The following POLR3B variants were observed in gnomAD, a reference collection of about 807,000 sequenced individuals.
POLR3B encodes the protein RNA polymerase III subunit B, also known as DNA-directed RNA polymerase III subunit RPC2.
Under a neutral mutation model 147.4 loss-of-function variants are expected in POLR3B, and 96 were observed. The ratio of observed to expected loss-of-function variants is 0.65; its 90% CI spans 0.55 to 0.77. POLR3B has a LOEUF of 0.77. POLR3B is among the 30% of genes least tolerant of loss of function. The probability of loss-of-function intolerance (pLI) is 0.00; values close to 1 mark genes in which losing one functional copy is unlikely to be tolerated. For missense variants in POLR3B, 1,036 were observed against 1,413.5 expected (o/e 0.73, Z 4.28); for synonymous variants, 461 against 485.9 (o/e 0.95, Z 0.67).
At chr12:106,470,294 G>C (rs1660054805) in intron 23 of POLR3B, among the ~76,000 whole-genome samples, 1 of 151,994 alleles carries the variant, frequency 6.6e-6, no homozygotes, top group Non-Finnish European at 1.5e-5. Context: ...GTGGTTTTCA[G>C]TTACATCAGG....
At chr12:106,446,658 T>C (rs960166454) in intron 19 of POLR3B, among the ~76,000 whole-genome samples, 1 of 152,170 alleles carries the variant, frequency 6.6e-6, no homozygotes, top group African/African-American at 2.4e-5. Context: ...GCTCTGACCC[T>C]GGGTCCTGCA....
chr12:106,393,004 T>C (rs2036930814), intron 9 of POLR3B, 27 bp from the exon 10 acceptor site: 1 of 1,613,870 alleles, frequency 6.2e-7, no homozygotes, highest in Non-Finnish European at 8.5e-7. Context: ...AAGCCAACAC[T>C]CTTTCTATCT....
chr12:106,357,812 G>A lies in POLR3B; in HGVS notation c.-68G>A, dbSNP rs2036405712. ...CCGCGCACCGTTCGCCGGGAGTCTTGCAGTTTGCTTGGTGCAGGGAAGGCG... is the reference window on the plus strand; with the variant it reads ...CCGCGCACCGTTCGCCGGGAGTCTTACAGTTTGCTTGGTGCAGGGAAGGCG... On this transcript the variant is annotated 5_prime_UTR_variant, in exon 1 of 28. Transcript: ENST00000228347. 1.1e-5 allele frequency: 16 copies of A among 1,476,148 alleles called. No individual in the cohort carries two copies. The highest frequency in any genetic ancestry group is 1.3e-5 in the Non-Finnish European group (14 of 1,068,592). The allele number at this position is 1,476,148 out of a possible 1,614,324, so 91.4% of individuals were successfully genotyped here. A position where few individuals can be genotyped will look rare whatever the true frequency, so the allele number is the denominator to read the frequency against.
At chr12:106,434,073 G>A (rs1339300219) in intron 16 of POLR3B, among the ~76,000 whole-genome samples, 1 of 152,184 alleles carries the variant, frequency 6.6e-6, no homozygotes, top group Non-Finnish European at 1.5e-5. Flanking sequence ...TCTGCCCTCA[G>A]AGAGCTCAGT....
rs745858125 is a variant in POLR3B, at chr12:106,432,489, A to G, written c.1627+9A>G. 1.2e-6 allele frequency: 2 copies of G among 1,606,086 alleles called. No homozygotes were observed. The highest frequency in any genetic ancestry group is 4.5e-5 in the East Asian group (2 of 44,794). Reference sequence around the variant, plus strand: ...TCTTGTCTTTCTTAATGGTGGGTATATTATAGAGACATGTTGGTCCTAGAT... The same window carrying G: ...TCTTGTCTTTCTTAATGGTGGGTATGTTATAGAGACATGTTGGTCCTAGAT... On this transcript the variant is annotated intron_variant, in intron 15 of 27. Coordinates refer to ENST00000228347, the MANE Select transcript of POLR3B (RefSeq NM_018082.6).
At chr12:106,496,955 T>C (rs943315108) in intron 25 of POLR3B, 37 bp downstream of exon 25, 1 of 1,595,824 alleles carries the variant, frequency 6.3e-7, no homozygotes. Context: ...AGAAAAAGAA[T>C]GGTTTTACTA....
rs2036413135 is a variant in POLR3B at position 106,358,063 on chromosome 12, C to G, written c.72+112C>G. ...GGGCTGGCGGTTTGTGCGCATGCGC[C>G]GGGCTTCTGCGCATGCCCAGAGCGT... On this transcript the variant is annotated intron_variant, in intron 1 of 27. Coordinates refer to ENST00000228347, the MANE Select transcript of POLR3B (RefSeq NM_018082.6). The G allele has an allele frequency of 9.0e-6, 14 of 1,547,742 alleles. No individual in the cohort carries two copies. In the South Asian group the frequency reaches 1.6e-4, roughly 18 times the overall value.
intron 10 of POLR3B, among the ~76,000 whole-genome samples, chr12:106,400,650 T>G (rs1198614321): frequency 6.6e-6 from 1 of 152,124 alleles, no homozygotes; most frequent in African/African-American, 2.4e-5. Flanking sequence ...GGAATCAAAC[T>G]AGAACTCAGG....
At chr12:106,509,306 A>G in intron 27 of POLR3B, 114 bp from the exon 28 acceptor site, 1 of 1,107,056 alleles carries the variant, frequency 9.0e-7, no homozygotes, top group Non-Finnish European at 1.4e-6. Flanking sequence ...TAGGAATAGA[A>G]AGATAATTTG....
At chr12:106,388,631 T>C (rs750709004) in intron 9 of POLR3B, among the ~76,000 whole-genome samples, 1 of 152,158 alleles carries the variant, frequency 6.6e-6, no homozygotes, top group East Asian at 1.9e-4. Context: ...TTATCTTCTT[T>C]AAAGAGAAAC....
intron 26 of POLR3B, among the ~76,000 whole-genome samples, chr12:106,503,257 A>G (rs1254355312): frequency 6.6e-6 from 1 of 152,228 alleles, no homozygotes; most frequent in Non-Finnish European, 1.5e-5. Context: ...CAACCACAAC[A>G]ATTTAAAAAA....
chr12:106,447,474 A>AGTGTATGG (rs2037738758), intron 19 of POLR3B, among the ~76,000 whole-genome samples: 2 of 152,142 alleles, frequency 1.3e-5, no homozygotes, highest in East Asian at 3.9e-4. Context: ...ACTGAGAAGC[A>AGTGTATGG]CTTCTCCATG....
At chr12:106,364,428 G>A (rs898263764) in intron 2 of POLR3B, among the ~76,000 whole-genome samples, 1 of 152,172 alleles carries the variant, frequency 6.6e-6, no homozygotes, top group Non-Finnish European at 1.5e-5. Flanking sequence ...CTTGGCACCC[G>A]CTAGGATAGC....
intron 12 of POLR3B, among the ~76,000 whole-genome samples, chr12:106,411,403 G>A (rs892561970): frequency 6.6e-6 from 1 of 152,212 alleles, no homozygotes; most frequent in African/African-American, 2.4e-5. Context: ...CTCCCAAAGT[G>A]CTGGGATTAC....
At chr12:106,416,185 A>G (rs2037299933) in intron 12 of POLR3B, among the ~76,000 whole-genome samples, 1 of 152,166 alleles carries the variant, frequency 6.6e-6, no homozygotes. Context: ...TTATTTGACC[A>G]TTACTGCCAA....
chr12:106,388,802 A>G (rs1278508351), intron 9 of POLR3B, among the ~76,000 whole-genome samples: 1 of 152,168 alleles, frequency 6.6e-6, no homozygotes, highest in East Asian at 1.9e-4. Flanking sequence ...CACACAATAT[A>G]TTTCAACCTG....
chr12:106,360,619 A>T (rs1383902820), intron 1 of POLR3B, among the ~76,000 whole-genome samples: 1 of 152,230 alleles, frequency 6.6e-6, no homozygotes, highest in Non-Finnish European at 1.5e-5. Flanking sequence ...GCTCAGTTTT[A>T]CTTGAACTGG....
At chr12:106,427,717 A>G (rs2136999603) in intron 13 of POLR3B, among the ~76,000 whole-genome samples, 1 of 152,348 alleles carries the variant, frequency 6.6e-6, no homozygotes, top group South Asian at 2.1e-4. Flanking sequence ...TGTCCAAAAT[A>G]ATACAAAGTG....
At chr12:106,405,753 C>A in intron 10 of POLR3B, 104 bp from the exon 11 acceptor site, 2 of 1,097,060 alleles carry the variant, frequency 1.8e-6, no homozygotes, top group Non-Finnish European at 2.8e-6. Context: ...TTCTCTATAA[C>A]CAGGGTCTTT....
Sources: gnomAD v4.1 joint callset for allele counts (sites outside exome capture counted in the v4.1 genomes callset) on GRCh38, gnomAD v4.1.1 for gene constraint, MANE v1.5 for transcripts, NCBI Gene and HGNC (gene_info 2026-07-23, HGNC 2026-07-21) for gene names.